The following MSRB3 variants were observed in gnomAD, a reference collection of about 807,000 sequenced individuals.
MSRB3 encodes methionine-R-sulfoxide reductase B3.
In MSRB3, 13 loss-of-function variants were observed where a neutral mutation model predicts 21.0. The observed-to-expected ratio is 0.62, with a 90% CI of 0.40 to 0.98. The LOEUF is 0.98. Among genes scored for constraint, MSRB3 ranks in the 50% least tolerant of loss-of-function variants. The pLI is 0.00. For missense variants in MSRB3, 199 were observed against 230.3 expected (o/e 0.86, Z 0.88); for synonymous variants, 87 against 88.6 (o/e 0.98, Z 0.10).
intron 6 of MSRB3, among the ~76,000 whole-genome samples, chr12:65,459,997 A>T (rs908747748): frequency 2.0e-4 from 31 of 152,210 alleles, no homozygotes; most frequent in African/African-American, 7.5e-4. Context: ...TTGAACAATC[A>T]TCTGATGCTC....
intron 5 of MSRB3, among the ~76,000 whole-genome samples, chr12:65,374,441 C>A (rs1030071095): frequency 6.6e-6 from 1 of 152,176 alleles, no homozygotes; most frequent in Admixed American, 6.5e-5. Flanking sequence ...GTCCATTATA[C>A]AAATTCACAT....
intron 5 of MSRB3, chr12:65,420,010 G>A: frequency 1.8e-6 from 1 of 560,284 alleles, no homozygotes; most frequent in Non-Finnish European, 3.6e-6. Context: ...GGTGGAGCGA[G>A]TGGTGAAGCT....
At chr12:65,458,769 C>T (rs984662073) in intron 6 of MSRB3, among the ~76,000 whole-genome samples, 1 of 152,150 alleles carries the variant, frequency 6.6e-6, no homozygotes, top group African/African-American at 2.4e-5. Flanking sequence ...ATGTATTTTC[C>T]CTCCAGCTGC....
intron 1 of MSRB3, among the ~76,000 whole-genome samples, chr12:65,301,662 G>A (rs1873338339): frequency 6.6e-6 from 1 of 152,192 alleles, no homozygotes; most frequent in Admixed American, 6.5e-5. Flanking sequence ...AGACCAATGG[G>A]TTTTAATGTA....
chr12:65,457,657 A>G (rs1030243485), intron 6 of MSRB3, among the ~76,000 whole-genome samples: 2 of 152,168 alleles, frequency 1.3e-5, no homozygotes, highest in African/African-American at 4.8e-5. Context: ...CAGACTAAAC[A>G]GGCAACCTAC....
intron 5 of MSRB3, among the ~76,000 whole-genome samples, chr12:65,415,057 T>C (rs1880901976): frequency 6.6e-6 from 1 of 152,012 alleles, no homozygotes; most frequent in Non-Finnish European, 1.5e-5. Context: ...GGGAAAGGCT[T>C]TTGTTAGAGA....
intron 5 of MSRB3, among the ~76,000 whole-genome samples, chr12:65,398,327 T>C (rs1879927774): frequency 6.6e-6 from 1 of 152,236 alleles, no homozygotes; most frequent in Non-Finnish European, 1.5e-5. Context: ...TGGTATCTCA[T>C]TGTGGTTTTG....
chr12:65,378,841 T>C (rs1565863814), intron 5 of MSRB3, among the ~76,000 whole-genome samples: 1 of 152,216 alleles, frequency 6.6e-6, no homozygotes, highest in African/African-American at 2.4e-5. Flanking sequence ...ATCTGCATGA[T>C]CAGTGTCTTC....
chr12:65,336,037 A>G (rs975897475), intron 4 of MSRB3, among the ~76,000 whole-genome samples: 2 of 152,228 alleles, frequency 1.3e-5, no homozygotes, highest in African/African-American at 4.8e-5. Flanking sequence ...TGAAGAGAAT[A>G]TAAAATTGAC....
chr12:65,375,565 T>C (rs934387895), intron 5 of MSRB3, among the ~76,000 whole-genome samples: 1 of 151,908 alleles, frequency 6.6e-6, no homozygotes, highest in Non-Finnish European at 1.5e-5. Context: ...GTCTCCCAAA[T>C]AGCAGGGAAT....
At chr12:65,369,604 C>T (rs1878207942) in intron 5 of MSRB3, among the ~76,000 whole-genome samples, 1 of 152,122 alleles carries the variant, frequency 6.6e-6, no homozygotes, top group Admixed American at 6.5e-5. Flanking sequence ...ATTTTCTTTT[C>T]ATTAAGCATG....
intron 2 of MSRB3, among the ~76,000 whole-genome samples, chr12:65,323,344 A>T (rs2136445495): frequency 6.6e-6 from 1 of 152,352 alleles, no homozygotes; most frequent in Admixed American, 6.5e-5. Context: ...GACATATTTC[A>T]ATAAATAAAA....
chr12:65,371,755 C>T (rs1331259030), intron 5 of MSRB3, among the ~76,000 whole-genome samples: 1 of 152,078 alleles, frequency 6.6e-6, no homozygotes, highest in African/African-American at 2.4e-5. Context: ...TTTTCATTGC[C>T]AGCACATGGT....
intron 2 of MSRB3, among the ~76,000 whole-genome samples, chr12:65,323,071 A>G (rs1210882198): frequency 2.6e-5 from 4 of 152,212 alleles, no homozygotes; most frequent in African/African-American, 7.2e-5. Context: ...TTTAAAATAC[A>G]ATTTTAACCT....
chr12:65,363,937 T>A (rs544785371), intron 4 of MSRB3, among the ~76,000 whole-genome samples: 2 of 152,088 alleles, frequency 1.3e-5, no homozygotes, highest in South Asian at 4.2e-4. Flanking sequence ...ATTGAGCTCA[T>A]AACATGTTCC....
chr12:65,347,128 A>G (rs1876570945), intron 4 of MSRB3, among the ~76,000 whole-genome samples: 1 of 152,184 alleles, frequency 6.6e-6, no homozygotes. Flanking sequence ...GAAGAAAGTC[A>G]TTGGTAGCTT....
intron 5 of MSRB3, among the ~76,000 whole-genome samples, chr12:65,382,538 G>A (rs1264189033): frequency 1.3e-5 from 2 of 151,648 alleles, no homozygotes; most frequent in Non-Finnish European, 2.9e-5. Flanking sequence ...GTATTTTGTG[G>A]CTTGTTTGAT....
intron 1 of MSRB3, among the ~76,000 whole-genome samples, chr12:65,306,050 C>T (rs1029327852): frequency 5.3e-5 from 8 of 152,026 alleles, no homozygotes; most frequent in Non-Finnish European, 8.8e-5. Flanking sequence ...ACTGAGGCCC[C>T]GAGAGGGTAA....
At chr12:65,410,752 T>A (rs1326340956) in intron 5 of MSRB3, among the ~76,000 whole-genome samples, 1 of 152,222 alleles carries the variant, frequency 6.6e-6, no homozygotes, top group Non-Finnish European at 1.5e-5. Flanking sequence ...GCCAACTTCA[T>A]GGGGTTGTTG....
Sources: allele counts gnomAD v4.1 joint callset (sites outside exome capture counted in the v4.1 genomes callset), GRCh38; gene constraint gnomAD v4.1.1; transcripts MANE v1.5; gene names NCBI Gene and HGNC (gene_info 2026-07-23, HGNC 2026-07-21).